Variants in ANKRD11 observed in about 807,000 individuals in gnomAD.
The protein encoded by ANKRD11 is ankyrin repeat domain 11, also known as ankyrin repeat domain-containing protein 11.
In ANKRD11, 17 loss-of-function variants were observed where a neutral mutation model predicts 195.7. The ratio of observed to expected loss-of-function variants is 0.09; its 90% CI spans 0.06 to 0.13. The LOEUF is 0.13. ANKRD11 is among the 10% of genes least tolerant of loss of function. The probability of loss-of-function intolerance (pLI) is 1.00; values close to 1 mark genes in which losing one functional copy is unlikely to be tolerated. For missense variants in ANKRD11, 3,735 were observed against 3,566.1 expected (o/e 1.05, Z -1.21); for synonymous variants, 1,953 against 1,528.1 (o/e 1.28, Z -6.49).
intron 3 of ANKRD11, among the ~76,000 whole-genome samples, chr16:89,312,454 G>A (rs544362520): frequency 6.6e-6 from 1 of 152,376 alleles, no homozygotes; most frequent in African/African-American, 2.4e-5. Context: ...AAGCCCAACT[G>A]TCAGGTAAGC....
intron 3 of ANKRD11, among the ~76,000 whole-genome samples, chr16:89,310,780 T>G (rs1258617203): frequency 6.6e-6 from 1 of 152,268 alleles, no homozygotes. Context: ...ATAATGGGTT[T>G]GCACTGGAAC....
intron 2 of ANKRD11, among the ~76,000 whole-genome samples, chr16:89,383,760 C>T (rs770909477): frequency 3.3e-5 from 5 of 152,136 alleles, no homozygotes; most frequent in Non-Finnish European, 5.9e-5. Context: ...AAGCAGCAGA[C>T]GGAAAGCCAA....
Position 89,368,377 on chromosome 16 carries a change from T to G in ANKRD11, c.-60+49907A>C, listed in dbSNP as rs955813210. ...GTGCCTGGCTAATTTTTGTGTTTTT[T>G]TTTTTTTTTTTTTTTTTTTTTTTTT... On this transcript the variant is annotated intron_variant, in intron 2 of 12. Transcript: ENST00000301030. Among the ~76,000 whole-genome samples the G allele has an allele frequency of 7.9e-5, 10 of 126,910 alleles. No homozygotes were observed. The South Asian group carries it at 8.1e-4, about 10-fold the overall frequency. 83.3% of individuals were successfully genotyped at this position (126,910 alleles called of 152,430 possible). A position where few individuals can be genotyped will look rare whatever the true frequency, so the allele number is the denominator to read the frequency against.
intron 11 of ANKRD11, among the ~76,000 whole-genome samples, chr16:89,274,117 G>C (rs1472618820): frequency 6.6e-6 from 1 of 152,242 alleles, no homozygotes; most frequent in African/African-American, 2.4e-5. Flanking sequence ...TCTGAGGCAG[G>C]AGTCCCTGGC....
At chr16:89,300,456 C>A (rs1223375841) in intron 4 of ANKRD11, 3 of 195,654 alleles carry the variant, frequency 1.5e-5, no homozygotes, top group African/African-American at 2.4e-5. Context: ...CCTGCCCCGC[C>A]TGCGAGCACA....
chr16:89,357,565 T>C (rs1281405854), intron 2 of ANKRD11, among the ~76,000 whole-genome samples: 3 of 152,236 alleles, frequency 2.0e-5, no homozygotes, highest in Non-Finnish European at 4.4e-5. Context: ...AAGACAGTTG[T>C]ACTTCGACGT....
intron 3 of ANKRD11, among the ~76,000 whole-genome samples, chr16:89,313,787 C>T (rs1005625787): frequency 1.4e-4 from 22 of 152,170 alleles, no homozygotes; most frequent in Non-Finnish European, 2.2e-4. Flanking sequence ...ACCAGGAGTG[C>T]GTCTTCCCAG....
intron 1 of ANKRD11, among the ~76,000 whole-genome samples, chr16:89,481,939 A>C (rs917544155): frequency 3.3e-5 from 5 of 151,772 alleles, no homozygotes; most frequent in Admixed American, 6.6e-5. Flanking sequence ...AAAAAATAGC[A>C]CTTCTTCCCT....
chr16:89,468,415 CA>C (rs1304088757), intron 1 of ANKRD11, among the ~76,000 whole-genome samples: 1 of 152,086 alleles, frequency 6.6e-6, no homozygotes, highest in African/African-American at 2.4e-5. Flanking sequence ...CAGAATGAAG[CA>C]AAAGTTGGCC....
At chr16:89,366,679 T>C (rs148937092) in intron 2 of ANKRD11, among the ~76,000 whole-genome samples, 1 of 152,290 alleles carries the variant, frequency 6.6e-6, no homozygotes, top group Non-Finnish European at 1.5e-5. Flanking sequence ...TGCTGAGACA[T>C]GTCTAGACAG....
At chr16:89,474,872 T>G (rs1428682433) in intron 1 of ANKRD11, among the ~76,000 whole-genome samples, 4 of 152,188 alleles carry the variant, frequency 2.6e-5, no homozygotes, top group Non-Finnish European at 5.9e-5. Context: ...AATAAAAAAA[T>G]AAAATGTAAG....
At chr16:89,278,509 C>A (rs2033854399) in intron 9 of ANKRD11, 2 of 455,994 alleles carry the variant, frequency 4.4e-6, no homozygotes, top group South Asian at 3.1e-5. Flanking sequence ...AGGGATGATG[C>A]CTGGGGAACT....
At chr16:89,463,042 G>C (rs1385855506) in intron 1 of ANKRD11, among the ~76,000 whole-genome samples, 2 of 122,864 alleles carry the variant, frequency 1.6e-5, no homozygotes, top group Non-Finnish European at 3.6e-5. Context: ...CCATCCGGGA[G>C]GGAGGTGGGG....
At chr16:89,275,848 A>G (rs565373425) in intron 9 of ANKRD11, among the ~76,000 whole-genome samples, 2 of 152,348 alleles carry the variant, frequency 1.3e-5, no homozygotes, top group African/African-American at 4.8e-5. Flanking sequence ...AGCCGAGACC[A>G]TCAGGATGAG....
At chr16:89,292,518 G>C (rs908473236) in intron 4 of ANKRD11, among the ~76,000 whole-genome samples, 2 of 152,150 alleles carry the variant, frequency 1.3e-5, no homozygotes, top group Non-Finnish European at 2.9e-5. Flanking sequence ...TTAGGAATTC[G>C]GTCTGGGGCA....
chr16:89,292,441 C>T (rs941447501), intron 4 of ANKRD11, among the ~76,000 whole-genome samples: 1 of 152,214 alleles, frequency 6.6e-6, no homozygotes, highest in African/African-American at 2.4e-5. Context: ...TGAATGTGCC[C>T]GTCGATTTCC....
chr16:89,285,118 T>A lies in ANKRD11; in HGVS notation c.1424A>T (p.Lys475Met). 6.2e-7 allele frequency: 1 copy of A among 1,613,704 alleles called. No homozygotes were observed. The highest frequency in any genetic ancestry group is 8.5e-7 in the Non-Finnish European group (1 of 1,180,038). The change falls in exon 9 of 13, where the codon AAG (lysine) becomes ATG (methionine). Residue 475 changes from lysine (K) to methionine (M), a missense_variant. Lys to Met is a moderately conservative substitution (Grantham distance 95). Coordinates refer to ENST00000301030, the MANE Select transcript of ANKRD11 (RefSeq NM_013275.6). The surrounding 1 kb of genome is among the most constrained non-coding windows in gnomAD (Gnocchi z 5.6). Reference sequence around the variant, plus strand: ...GCTCTCCGACTCCGAGGAGCAGAACTTGTCGCTCCGCTTTCCGAAGCGAAC... The same window carrying A: ...GCTCTCCGACTCCGAGGAGCAGAACATGTCGCTCCGCTTTCCGAAGCGAAC... ...REVRFGKRSD[K>M]FCSSESESES...
intron 9 of ANKRD11, among the ~76,000 whole-genome samples, chr16:89,275,537 A>G (rs1255181594): frequency 1.3e-5 from 2 of 152,206 alleles, no homozygotes; most frequent in Non-Finnish European, 1.5e-5. Flanking sequence ...GCGAGACAGC[A>G]GGAGGGGGCT....
chr16:89,434,285 T>TA (rs923853132), intron 1 of ANKRD11, among the ~76,000 whole-genome samples: 22 of 151,746 alleles, frequency 1.4e-4, no homozygotes, highest in South Asian at 6.3e-4. Flanking sequence ...AAATCTAATT[T>TA]AAAAAAAAAT....
Sources: gnomAD v4.1 joint callset for allele counts (sites outside exome capture counted in the v4.1 genomes callset) on GRCh38, gnomAD v4.1.1 for gene constraint, Gnocchi (gnomAD v3.1) non-coding constraint, MANE v1.5 for transcripts, NCBI Gene and HGNC (gene_info 2026-07-23, HGNC 2026-07-21) for gene names.